RASGEF1C: variants seen among roughly 807,000 people sequenced by gnomAD.
RASGEF1C encodes the protein RasGEF domain family member 1C, also known as ras-GEF domain-containing family member 1C.
Under a neutral mutation model 58.1 loss-of-function variants are expected in RASGEF1C, and 27 were observed. The observed-to-expected ratio is 0.46, with a 90% CI of 0.34 to 0.64. The LOEUF (loss-of-function observed/expected upper bound fraction) is 0.64. RASGEF1C is among the 30% of genes least tolerant of loss of function. The probability of loss-of-function intolerance (pLI) is 0.01; values close to 1 mark genes in which losing one functional copy is unlikely to be tolerated. For synonymous variants in RASGEF1C, 243 were observed against 246.3 expected (o/e 0.99, Z 0.13); for missense variants, 502 against 605.1 (o/e 0.83, Z 1.79).
At chr5:180,180,364 C>T (rs1767305441) in intron 1 of RASGEF1C, among the ~76,000 whole-genome samples, 1 of 152,226 alleles carries the variant, frequency 6.6e-6, no homozygotes, top group Non-Finnish European at 1.5e-5. Flanking sequence ...AAGCCAGTGC[C>T]ACCACTGCTG....
At chr5:180,145,604 G>A (rs1766651494) in intron 1 of RASGEF1C, among the ~76,000 whole-genome samples, 1 of 152,100 alleles carries the variant, frequency 6.6e-6, no homozygotes. Context: ...CTTTTCATTT[G>A]CCATTTGTAT....
At chr5:180,162,375 A>G (rs970884230) in intron 1 of RASGEF1C, among the ~76,000 whole-genome samples, 11 of 152,158 alleles carry the variant, frequency 7.2e-5, no homozygotes, top group African/African-American at 2.4e-4. Flanking sequence ...GGACATTTGC[A>G]CCCAGTGCAC....
intron 1 of RASGEF1C, among the ~76,000 whole-genome samples, chr5:180,161,865 G>A (rs990578328): frequency 9.4e-6 from 1 of 106,162 alleles, no homozygotes; most frequent in African/African-American, 3.9e-5. Flanking sequence ...CACAGCCCCT[G>A]TCACCGACTG....
chr5:180,171,479 C>T (rs1359470553), intron 1 of RASGEF1C, among the ~76,000 whole-genome samples: 1 of 152,260 alleles, frequency 6.6e-6, no homozygotes, highest in Non-Finnish European at 1.5e-5. Flanking sequence ...AGCCCACCTC[C>T]GAGGCCGAGG....
chr5:180,102,185 G>T, intron 12 of RASGEF1C, 42 bp from the exon 13 acceptor site: 1 of 1,183,970 alleles, frequency 8.4e-7, no homozygotes, highest in Non-Finnish European at 1.3e-6. Flanking sequence ...TATGGTTGAT[G>T]ATAATAACCT....
chr5:180,182,022 T>C (rs1767341404), intron 1 of RASGEF1C, among the ~76,000 whole-genome samples: 2 of 151,094 alleles, frequency 1.3e-5, no homozygotes, highest in South Asian at 4.2e-4. Context: ...GCTAACACGG[T>C]GAAACCCCGT....
At position 180,138,046 on chromosome 5, in the gene RASGEF1C, G is replaced by A; in HGVS notation, c.7C>T (p.Gln3Ter). The A allele has an allele frequency of 6.7e-7, 1 of 1,502,232 alleles. No homozygotes were observed. Among genetic ancestry groups the A allele is most frequent in the South Asian group, 1.3e-5 (1 of 74,268 alleles). 93.1% of individuals were successfully genotyped at this position (1,502,232 alleles called of 1,614,324 possible). Residue 3 changes from glutamine (Q) to a stop codon, truncating the protein, a stop_gained, in exon 2 of 14, where the codon CAG becomes TAG. Coordinates refer to ENST00000361132, the MANE Select transcript of RASGEF1C (RefSeq NM_175062.4). LOFTEE classifies it high-confidence loss of function. The stretch of plus-strand genomic sequence containing the variant: ...ACCATGTCGGAGGCACTCAGCGTCT[G>A]TGGCATGTCTGCCTGCAATGGCAAG... MP[Q>*]TLSASDMVTP... is the part of the protein sequence containing the mutation.
chr5:180,165,202 T>TA (rs35091631), intron 1 of RASGEF1C, among the ~76,000 whole-genome samples: 1 of 152,156 alleles, frequency 6.6e-6, no homozygotes, highest in African/African-American at 2.4e-5. Flanking sequence ...ATTGGATCTT[T>TA]AAAAAAACCC....
chr5:180,172,600 A>G (rs1767129355), intron 1 of RASGEF1C, among the ~76,000 whole-genome samples: 1 of 152,152 alleles, frequency 6.6e-6, no homozygotes, highest in Non-Finnish European at 1.5e-5. Flanking sequence ...TTCCAGCCCC[A>G]GCTGGCAAAG....
intron 1 of RASGEF1C, among the ~76,000 whole-genome samples, chr5:180,147,017 A>AT (rs963024271): frequency 4.0e-5 from 6 of 151,202 alleles, no homozygotes; most frequent in East Asian, 3.9e-4. Context: ...ACGGTTTCTA[A>AT]TTTTTTTTTC....
chr5:180,181,320 A>C (rs1354015514), intron 1 of RASGEF1C, among the ~76,000 whole-genome samples: 1 of 152,262 alleles, frequency 6.6e-6, no homozygotes, highest in African/African-American at 2.4e-5. Context: ...ATATGTGGAA[A>C]AGAGATGTAT....
chr5:180,107,441 A>G (rs1765888529), intron 12 of RASGEF1C, among the ~76,000 whole-genome samples: 1 of 152,094 alleles, frequency 6.6e-6, no homozygotes, highest in Non-Finnish European at 1.5e-5. Flanking sequence ...TTCACCGTAT[A>G]TAGGATTCTG....
intron 11 of RASGEF1C, 75 bp from the exon 12 acceptor site, chr5:180,111,655 C>G (rs1340794917): frequency 1.9e-6 from 3 of 1,551,596 alleles, no homozygotes; most frequent in Non-Finnish European, 2.7e-6. Context: ...GGGGCTGGTC[C>G]TGGCAGAGAC....
At chr5:180,145,704 A>T (rs1278979583) in intron 1 of RASGEF1C, among the ~76,000 whole-genome samples, 1 of 152,138 alleles carries the variant, frequency 6.6e-6, no homozygotes, top group Non-Finnish European at 1.5e-5. Context: ...CCGTGACAGG[A>T]TGTAATTACC....
chr5:180,136,584 C>T, intron 3 of RASGEF1C, 69 bp from the exon 4 acceptor site: 1 of 1,492,338 alleles, frequency 6.7e-7, no homozygotes, highest in Middle Eastern at 2.1e-4. Context: ...CACTGCGCGT[C>T]CTTGCGGGTC....
Position 180,137,750 on chromosome 5 carries a change from G to A in RASGEF1C, c.178-38C>T. ...CGAGAAAGAGGGCACAGGCTCAGGA[G>A]GGCACCAGGAGGGGCATGCTTCCCA... On this transcript the variant is annotated intron_variant, in intron 2 of 13. Coordinates refer to ENST00000361132, the MANE Select transcript of RASGEF1C (RefSeq NM_175062.4). This position sits in a 1 kb window ranked among gnomAD's most constrained non-coding sequence, Gnocchi z 4.1. 2 of 1,610,576 alleles carry A rather than the reference G, an allele frequency of 1.2e-6. No homozygotes were observed. The highest frequency in any genetic ancestry group is 1.7e-6 in the Non-Finnish European group (2 of 1,178,314).
chr5:180,201,318 C>A (rs971985110), intron 1 of RASGEF1C, among the ~76,000 whole-genome samples: 3 of 152,058 alleles, frequency 2.0e-5, no homozygotes, highest in African/African-American at 7.2e-5. Context: ...AAGTAGCAAG[C>A]CTGGACATTC....
intron 4 of RASGEF1C, among the ~76,000 whole-genome samples, chr5:180,131,648 G>A (rs939479698): frequency 7.2e-5 from 11 of 152,186 alleles, no homozygotes; most frequent in South Asian, 2.1e-4. Context: ...GTCCACCAGC[G>A]TCTGCTGAAT....
intron 1 of RASGEF1C, among the ~76,000 whole-genome samples, chr5:180,161,951 C>T (rs1393230460): frequency 6.6e-6 from 1 of 152,238 alleles, no homozygotes; most frequent in Non-Finnish European, 1.5e-5. Flanking sequence ...CATGGCAGTG[C>T]CCCCAGGGCC....
Sources: gnomAD v4.1 joint callset for allele counts (sites outside exome capture counted in the v4.1 genomes callset) on GRCh38, gnomAD v4.1.1 for gene constraint, Gnocchi (gnomAD v3.1) non-coding constraint, MANE v1.5 for transcripts, NCBI Gene and HGNC (gene_info 2026-07-23, HGNC 2026-07-21) for gene names.